The following FGF14 variants were observed in gnomAD, a reference collection of about 807,000 sequenced individuals.
The protein encoded by FGF14 is fibroblast growth factor homologous factor 4.
Under a neutral mutation model 25.5 loss-of-function variants are expected in FGF14, and 5 were observed. That is an observed-to-expected ratio of 0.20 (90% CI 0.10 to 0.41). FGF14 has a LOEUF of 0.41. Ranked by LOEUF, FGF14 falls within the 10% of genes least tolerant of loss-of-function variation. The pLI, the probability that FGF14 is intolerant of heterozygous loss-of-function variation, is 1.00. For synonymous variants in FGF14, 138 were observed against 118.3 expected (o/e 1.17, Z -1.08); for missense variants, 222 against 320.1 (o/e 0.69, Z 2.34).
chr13:101,723,015 G>A, intron 4 of FGF14, 48 bp from the exon 5 acceptor site: 1 of 1,611,636 alleles, frequency 6.2e-7, no homozygotes, highest in Non-Finnish European at 8.5e-7. Context: ...TGCTTGGTTA[G>A]GTGTGAGAAT....
intron 3 of FGF14, among the ~76,000 whole-genome samples, chr13:101,798,531 A>G (rs2040689389): frequency 6.6e-6 from 1 of 152,092 alleles, no homozygotes; most frequent in South Asian, 2.1e-4. Flanking sequence ...TCTAAACTGA[A>G]TAGCACTCTT....
At chr13:101,992,836 A>C (rs1040191652) in intron 1 of FGF14, among the ~76,000 whole-genome samples, 5 of 152,054 alleles carry the variant, frequency 3.3e-5, no homozygotes, top group African/African-American at 1.2e-4. Flanking sequence ...GAATTGGGGA[A>C]TAATTAAAAA....
At chr13:102,170,264 T>C (rs2048193086) in intron 1 of FGF14, among the ~76,000 whole-genome samples, 1 of 152,078 alleles carries the variant, frequency 6.6e-6, no homozygotes, top group Admixed American at 6.6e-5. Flanking sequence ...CTTTCAAGTC[T>C]ATTAATCTCC....
At chr13:102,201,970 GCA>G (rs1764619739) in intron 1 of FGF14, among the ~76,000 whole-genome samples, 1 of 152,086 alleles carries the variant, frequency 6.6e-6, no homozygotes. Flanking sequence ...GAATGGTTTA[GCA>G]CCATCTTCCC....
chr13:102,138,797 C>T (rs148270470), intron 1 of FGF14, among the ~76,000 whole-genome samples: 4 of 152,310 alleles, frequency 2.6e-5, no homozygotes, highest in Non-Finnish European at 5.9e-5. Context: ...AGTTATTGTG[C>T]AACATGGGAG....
chr13:102,330,514 GAC>G (rs777901266), intron 1 of FGF14, among the ~76,000 whole-genome samples: 12 of 151,942 alleles, frequency 7.9e-5, no homozygotes, highest in Non-Finnish European at 1.5e-4. Flanking sequence ...ATACTCTCTT[GAC>G]ACAGGAATAA....
intron 1 of FGF14, among the ~76,000 whole-genome samples, chr13:102,278,412 A>G (rs2053650124): frequency 6.6e-6 from 1 of 152,206 alleles, no homozygotes; most frequent in South Asian, 2.1e-4. Flanking sequence ...ATGTACTGAC[A>G]TCAGCCATAG....
chr13:102,305,199 G>T (rs2055305890), intron 1 of FGF14, among the ~76,000 whole-genome samples: 1 of 152,004 alleles, frequency 6.6e-6, no homozygotes, highest in African/African-American at 2.4e-5. Flanking sequence ...GAGTCTTTAT[G>T]AAAAGCTTTT....
chr13:102,283,520 C>T (rs1355886064), intron 1 of FGF14, among the ~76,000 whole-genome samples: 3 of 152,260 alleles, frequency 2.0e-5, no homozygotes, highest in African/African-American at 4.8e-5. Flanking sequence ...CATCTTCAAA[C>T]GTTCACATTG....
chr13:101,935,208 C>G (rs535260340), intron 1 of FGF14, among the ~76,000 whole-genome samples: 13 of 152,306 alleles, frequency 8.5e-5, no homozygotes, highest in Non-Finnish European at 1.3e-4. Context: ...TGTAAGCAAG[C>G]TGATGTGAGA....
intron 1 of FGF14, among the ~76,000 whole-genome samples, chr13:102,277,405 G>A (rs918404701): frequency 6.6e-6 from 1 of 152,206 alleles, no homozygotes; most frequent in African/African-American, 2.4e-5. Flanking sequence ...GGCACTCAAT[G>A]CCCTCCCTCC....
At chr13:101,759,055 A>G (rs2037836059) in intron 3 of FGF14, among the ~76,000 whole-genome samples, 1 of 152,226 alleles carries the variant, frequency 6.6e-6, no homozygotes, top group Admixed American at 6.5e-5. Flanking sequence ...CTGCTTTCTG[A>G]GTCAAGTGCA....
intron 3 of FGF14, among the ~76,000 whole-genome samples, chr13:101,792,963 T>C (rs2040321714): frequency 6.6e-6 from 1 of 152,180 alleles, no homozygotes; most frequent in South Asian, 2.1e-4. Context: ...AATTATTAAA[T>C]CAAGCTAATT....
intron 1 of FGF14, among the ~76,000 whole-genome samples, chr13:102,108,996 A>AT (rs200532614): frequency 9.2e-4 from 68 of 74,150 alleles, no homozygotes; most frequent in African/African-American, 3.8e-3. Context: ...GCTAGGTTTC[A>AT]TGATGGTCAT....
At chr13:101,974,018 C>A (rs2037774932) in intron 1 of FGF14, among the ~76,000 whole-genome samples, 1 of 152,146 alleles carries the variant, frequency 6.6e-6, no homozygotes, top group Non-Finnish European at 1.5e-5. Context: ...TAATTCATTG[C>A]AATCTTTGAA....
At chr13:102,115,783 C>T (rs530170983) in intron 1 of FGF14, among the ~76,000 whole-genome samples, 11 of 149,174 alleles carry the variant, frequency 7.4e-5, no homozygotes, top group Admixed American at 2.7e-4. Flanking sequence ...CAGCGACACA[C>T]GATTTACCCA....
chr13:101,926,153 T>C (rs1490347382), intron 1 of FGF14, among the ~76,000 whole-genome samples: 3 of 152,180 alleles, frequency 2.0e-5, no homozygotes, highest in Non-Finnish European at 4.4e-5. Flanking sequence ...GGGATAAGGA[T>C]ATGGGCACCT....
chr13:102,310,651 TTCTC>T (rs34400050), intron 1 of FGF14, among the ~76,000 whole-genome samples: 154 of 45,784 alleles, frequency 3.4e-3, no homozygotes, highest in Middle Eastern at 0.038. Context: ...CTCTTCCCGT[TTCTC>T]TCTCTCTCTC....
intron 1 of FGF14, among the ~76,000 whole-genome samples, chr13:101,878,878 T>C (rs2045544928): frequency 6.6e-6 from 1 of 150,876 alleles, no homozygotes; most frequent in South Asian, 2.1e-4. Flanking sequence ...AAAATGCTCA[T>C]TTTTTTCAAT....
Sources: allele counts gnomAD v4.1 joint callset (sites outside exome capture counted in the v4.1 genomes callset), GRCh38; gene constraint gnomAD v4.1.1; transcripts MANE v1.5; gene names NCBI Gene and HGNC (gene_info 2026-07-23, HGNC 2026-07-21).